Variants in OPA3 observed in about 807,000 individuals in gnomAD.
OPA3 encodes optic atrophy 3 protein.
In OPA3, 6 loss-of-function variants were observed where a neutral mutation model predicts 4.0. The observed-to-expected ratio is 1.51, with a 90% CI of 0.83 to 2.99. OPA3 has a LOEUF of 2.99. Ranked by LOEUF, OPA3 falls within the 30% of genes most tolerant of loss-of-function variation. OPA3 has a pLI of 0.00. For synonymous variants in OPA3, 105 were observed against 117.1 expected, an observed-to-expected ratio of 0.90 and a Z score of 0.67; for missense variants, 235 against 256.2, an observed-to-expected ratio of 0.92 and a Z score of 0.56.
intron 1 of OPA3, among the ~76,000 whole-genome samples, chr19:45,560,351 T>G (rs535822190): frequency 2.5e-4 from 38 of 152,318 alleles, no homozygotes; most frequent in African/African-American, 9.1e-4. Context: ...GTGAGGCCGA[T>G]GCAGGCAGGA....
intron 1 of OPA3, among the ~76,000 whole-genome samples, chr19:45,571,907 G>A (rs962279457): frequency 6.6e-6 from 1 of 151,856 alleles, no homozygotes; most frequent in Non-Finnish European, 1.5e-5. Context: ...TAGAAGTTTT[G>A]TTTAATTCTT....
Position 45,548,557 on chromosome 19 carries a change from C to T in OPA3, c.*4957G>A, listed in dbSNP as rs1213897079. On this transcript the variant is annotated 3_prime_UTR_variant, in exon 2 of 2. Transcript: ENST00000263275. Reference sequence around the variant, plus strand: ...AATGTACGTGTGAGCATCTGTAAGACCCGGTGACGGCAGGGCTGGGGCTGT... The same window carrying T: ...AATGTACGTGTGAGCATCTGTAAGATCCGGTGACGGCAGGGCTGGGGCTGT... The T allele has an allele frequency of 3.0e-6, 3 of 985,380 alleles. No individual in the cohort carries two copies. The highest frequency in any genetic ancestry group is 3.6e-6 in the Non-Finnish European group (3 of 829,946). The allele number at this position is 985,380 out of a possible 1,614,324, so 61.0% of individuals were successfully genotyped here.
At chr19:45,532,300 C>T (rs1969068532) in intron 1 of OPA3, among the ~76,000 whole-genome samples, 1 of 152,180 alleles carries the variant, frequency 6.6e-6, no homozygotes, top group Non-Finnish European at 1.5e-5. Context: ...TGGACCTCTT[C>T]CCTGGGCTGC....
chr19:45,570,704 CA>C (rs1332847177), intron 1 of OPA3, among the ~76,000 whole-genome samples: 6 of 149,956 alleles, frequency 4.0e-5, no homozygotes, highest in Admixed American at 3.3e-4. Context: ...AAAACAAAAA[CA>C]AAACAAAATT....
Position 45,584,506 on chromosome 19 carries a change from C to A in OPA3, c.142+117G>T, listed in dbSNP as rs551975047. 9.4e-6 allele frequency: 15 copies of A among 1,590,956 alleles called. No individual in the cohort carries two copies. The South Asian group carries it at 1.6e-4, about 17-fold the overall frequency. The stretch of plus-strand genomic sequence containing the variant: ...ATCAGAAACCCCCCACTATTGGCCA[C>A]TGGACTTTGCCGGTTCGGGCTGTGA... On this transcript the variant is annotated intron_variant, in intron 1 of 1. Coordinates refer to ENST00000263275, the MANE Select transcript of OPA3 (RefSeq NM_025136.4).
chr19:45,546,580 T>C lies in OPA3; in HGVS notation c.*6934A>G, dbSNP rs1969252126. The C allele has an allele frequency of 4.9e-6, 1 of 202,760 alleles. No individual in the cohort carries two copies. The highest frequency in any genetic ancestry group is 2.4e-5 in the African/African-American group (1 of 42,336). The allele number at this position is 202,760 out of a possible 1,614,324, so 12.6% of individuals were successfully genotyped here. ...GCCTGATCTCAGTTCACTGCAGCCT[T>C]AAACACCCGGGTTCAAGCGATCCTC... is the stretch of plus-strand genomic sequence containing the variant. On this transcript the variant is annotated 3_prime_UTR_variant, in exon 2 of 2. Transcript: ENST00000263275.
intron 1 of OPA3, among the ~76,000 whole-genome samples, chr19:45,570,981 G>GA (rs1555735068): frequency 7.4e-6 from 1 of 135,032 alleles, no homozygotes; most frequent in South Asian, 2.7e-4. Context: ...AACTATTTGG[G>GA]GGGGGGGGGC....
intron 1 of OPA3, among the ~76,000 whole-genome samples, chr19:45,539,295 T>C (rs917256008): frequency 6.6e-6 from 1 of 152,042 alleles, no homozygotes; most frequent in African/African-American, 2.4e-5. Context: ...GTTTGGCAGT[T>C]TCTTAAAAAG....
chr19:45,570,990 G>GA (rs1969657166), intron 1 of OPA3, among the ~76,000 whole-genome samples: 1 of 97,900 alleles, frequency 1.0e-5, no homozygotes, highest in Non-Finnish European at 2.1e-5. Context: ...GGGGGGGGGG[G>GA]CATGAATAAA....
intron 1 of OPA3, among the ~76,000 whole-genome samples, chr19:45,580,293 C>CT (rs539421587): frequency 0.011 from 1,309 of 121,756 alleles, 7 homozygotes; most frequent in Non-Finnish European, 0.014. Flanking sequence ...TGCACCCGGC[C>CT]TTTTTTTTTT....
rs147143303 is a variant in OPA3 at position 45,566,294 on chromosome 19, C to T, written c.143-12383G>A. On this transcript the variant is annotated intron_variant, in intron 1 of 1. Transcript: ENST00000263275. The stretch of plus-strand genomic sequence containing the variant: ...CCTCCCGAGTATCTGGGATTACAGG[C>T]GCAGACCACTGTGCCCTGCTAATTT... 9.6e-3 allele frequency among the ~76,000 whole-genome samples: 1,462 copies of T among 151,730 alleles called. 13 individuals are homozygous for T. Among genetic ancestry groups the T allele is most frequent in the Middle Eastern group, 0.021 (6 of 290 alleles).
Position 45,553,038 on chromosome 19 carries a change from A to G in OPA3, c.*476T>C. The G allele has an allele frequency of 2.0e-6, 2 of 1,023,104 alleles. No homozygotes were observed. The highest frequency in any genetic ancestry group is 2.3e-6 in the Non-Finnish European group (2 of 852,706). 63.4% of individuals were successfully genotyped at this position (1,023,104 alleles called of 1,614,324 possible). On this transcript the variant is annotated 3_prime_UTR_variant, in exon 2 of 2. Coordinates refer to ENST00000263275, the MANE Select transcript of OPA3 (RefSeq NM_025136.4). ...CAGCTAGAGCTGACCTTAGAAGGTG[A>G]GGGGGAGAAAAGGCCACTGCAACAC...
At chr19:45,572,260 AAAT>A (rs528222461) in intron 1 of OPA3, among the ~76,000 whole-genome samples, 44 of 140,792 alleles carry the variant, frequency 3.1e-4, no homozygotes, top group African/African-American at 9.1e-4. Context: ...TATAAATAAA[AAAT>A]AAAAATATAT....
At chr19:45,544,144 T>C (rs917453567), downstream of OPA3, among the ~76,000 whole-genome samples, 2 of 152,212 alleles carry the variant, frequency 1.3e-5, no homozygotes, top group African/African-American at 2.4e-5. Flanking sequence ...GAGCTAGGGA[T>C]TGATTCCAGG....
chr19:45,576,698 C>T (rs1969774086), intron 1 of OPA3, among the ~76,000 whole-genome samples: 1 of 152,154 alleles, frequency 6.6e-6, no homozygotes, highest in Admixed American at 6.6e-5. Flanking sequence ...TGCCTCCCTT[C>T]CTCCATCTTC....
chr19:45,561,198 T>C (rs1210000190), intron 1 of OPA3, among the ~76,000 whole-genome samples: 1 of 152,056 alleles, frequency 6.6e-6, no homozygotes, highest in Non-Finnish European at 1.5e-5. Context: ...CCAGGCATGG[T>C]GGCGCATGCC....
chr19:45,578,509 C>G (rs577279907), intron 1 of OPA3, among the ~76,000 whole-genome samples: 1 of 151,868 alleles, frequency 6.6e-6, no homozygotes, highest in Non-Finnish European at 1.5e-5. Flanking sequence ...CTGGCTTCCC[C>G]TCACCCACCA....
intron 1 of OPA3, among the ~76,000 whole-genome samples, chr19:45,559,471 G>A (rs551103147): frequency 2.2e-5 from 3 of 135,678 alleles, no homozygotes; most frequent in Admixed American, 8.3e-5. Context: ...GCACAATCTC[G>A]GCTCACTGCA....
Position 45,555,039 on chromosome 19 carries a change from G to A in OPA3, c.143-1128C>T, listed in dbSNP as rs868508607. Among the ~76,000 whole-genome samples, 34 of 152,100 alleles carry A rather than the reference G, an allele frequency of 2.2e-4. 1 individual carries two copies. Among genetic ancestry groups the A allele is most frequent in the African/African-American group, 8.2e-4 (34 of 41,412 alleles). On this transcript the variant is annotated intron_variant, in intron 1 of 1. Transcript: ENST00000263275. ...TCATCTGACCTCGTGATCCACCTGC[G>A]TTGGCCTCTCAAACTGCTGGGATTA... is the stretch of plus-strand genomic sequence containing the variant.
Sources: gnomAD v4.1 joint callset for allele counts (sites outside exome capture counted in the v4.1 genomes callset) on GRCh38, gnomAD v4.1.1 for gene constraint, MANE v1.5 for transcripts, NCBI Gene and HGNC (gene_info 2026-07-23, HGNC 2026-07-21) for gene names.